The following PDZRN3 variants were observed in gnomAD, a reference collection of about 807,000 sequenced individuals.
PDZRN3 encodes the protein E3 ubiquitin-protein ligase PDZRN3.
In PDZRN3, 38 loss-of-function variants were observed where a neutral mutation model predicts 85.7. The ratio of observed to expected loss-of-function variants is 0.44; its 90% CI spans 0.34 to 0.58. The LOEUF is 0.58. Among genes scored for constraint, PDZRN3 ranks in the 20% least tolerant of loss-of-function variants. The pLI, the probability that PDZRN3 is intolerant of heterozygous loss-of-function variation, is 0.01. For missense variants in PDZRN3, 1,629 were observed against 1,506.4 expected (o/e 1.08, Z -1.35); for synonymous variants, 759 against 638.0 (o/e 1.19, Z -2.86).
At chr3:73,505,848 C>T (rs1302945946) in intron 3 of PDZRN3, among the ~76,000 whole-genome samples, 4 of 151,768 alleles carry the variant, frequency 2.6e-5, no homozygotes, top group Non-Finnish European at 4.4e-5. Context: ...AATAAAATTG[C>T]GCTGGATTAG....
intron 3 of PDZRN3, among the ~76,000 whole-genome samples, chr3:73,463,785 A>G (rs1703154024): frequency 6.6e-6 from 1 of 152,208 alleles, no homozygotes. Flanking sequence ...CCTATCAGTG[A>G]TAGACTGGAT....
intron 3 of PDZRN3, among the ~76,000 whole-genome samples, chr3:73,539,602 T>C (rs1405155302): frequency 6.6e-6 from 1 of 152,072 alleles, no homozygotes; most frequent in Non-Finnish European, 1.5e-5. Context: ...TGAAAGCCAC[T>C]GAGAGAGAGC....
At chr3:73,598,679 A>G (rs940652633) in intron 3 of PDZRN3, among the ~76,000 whole-genome samples, 1 of 152,192 alleles carries the variant, frequency 6.6e-6, no homozygotes, top group African/African-American at 2.4e-5. Flanking sequence ...CCAGATTCCC[A>G]GCCACAGCCC....
intron 3 of PDZRN3, among the ~76,000 whole-genome samples, chr3:73,487,916 CT>C (rs146838055): frequency 0.011 from 1,687 of 152,270 alleles, 18 homozygotes; most frequent in South Asian, 0.045. Flanking sequence ...AATGAGAACC[CT>C]AGAAACCATT....
intron 3 of PDZRN3, among the ~76,000 whole-genome samples, chr3:73,565,276 C>T (rs1291509120): frequency 6.6e-6 from 1 of 151,924 alleles, no homozygotes; most frequent in Non-Finnish European, 1.5e-5. Flanking sequence ...TTACAGGTGC[C>T]TGCTACTATG....
chr3:73,537,614 TA>T (rs752851713), intron 3 of PDZRN3, among the ~76,000 whole-genome samples: 37 of 149,550 alleles, frequency 2.5e-4, no homozygotes, highest in Non-Finnish European at 4.9e-4. Context: ...TTCTTTTTTT[TA>T]ATTAAATTAA....
chr3:73,523,368 T>C (rs937448013), intron 3 of PDZRN3, among the ~76,000 whole-genome samples: 2 of 152,198 alleles, frequency 1.3e-5, no homozygotes, highest in African/African-American at 4.8e-5. Context: ...ATTCTCATTA[T>C]TTAGAGATTA....
At position 73,552,225 on chromosome 3, in the gene PDZRN3, A is replaced by AGTGTGTGTGT. The variant is rs55784793; in HGVS notation, c.918+50119_918+50128dup. ...TTAGGTTTCACGTGGGAATTAAAGG[A>AGTGTGTGTGT]GTGTGTGTGTGTGTGTGTGTGTGTG... On this transcript the variant is annotated intron_variant, in intron 3 of 9. Transcript: ENST00000263666. 4.3e-3 allele frequency among the ~76,000 whole-genome samples: 637 copies of AGTGTGTGTGT among 147,862 alleles called. 4 individuals carry two copies. The highest frequency in any genetic ancestry group is 0.015 in the African/African-American group (605 of 39,898).
At chr3:73,394,035 A>C (rs543915812) in intron 5 of PDZRN3, among the ~76,000 whole-genome samples, 1 of 152,278 alleles carries the variant, frequency 6.6e-6, no homozygotes, top group African/African-American at 2.4e-5. Context: ...CAATTCCTCC[A>C]ACAAATCTTT....
chr3:73,569,482 A>G, intron 3 of PDZRN3: 1 of 1,095,512 alleles, frequency 9.1e-7, no homozygotes, highest in African/African-American at 1.7e-5. Context: ...TCCACTGCAC[A>G]GAATGCCTTT....
At chr3:73,464,070 C>CT (rs1157904230) in intron 3 of PDZRN3, among the ~76,000 whole-genome samples, 4 of 152,206 alleles carry the variant, frequency 2.6e-5, no homozygotes, top group Non-Finnish European at 5.9e-5. Context: ...ACTGCAACCT[C>CT]TGCCTCCTGG....
At chr3:73,598,687 C>A (rs1702467893) in intron 3 of PDZRN3, among the ~76,000 whole-genome samples, 1 of 152,196 alleles carries the variant, frequency 6.6e-6, no homozygotes, top group Non-Finnish European at 1.5e-5. Context: ...CCAGCCACAG[C>A]CCCAGGACAG....
chr3:73,393,789 T>C (rs553753726), intron 5 of PDZRN3, among the ~76,000 whole-genome samples: 1 of 152,368 alleles, frequency 6.6e-6, no homozygotes, highest in Admixed American at 6.5e-5. Context: ...AGTGACGCTC[T>C]GTTATGTAGA....
intron 3 of PDZRN3, among the ~76,000 whole-genome samples, chr3:73,424,198 T>G (rs1702260211): frequency 6.6e-6 from 1 of 151,840 alleles, no homozygotes; most frequent in Admixed American, 6.6e-5. Context: ...TATATTTGAC[T>G]TTATGAAATT....
At chr3:73,450,890 T>A (rs1316764430) in intron 3 of PDZRN3, among the ~76,000 whole-genome samples, 3 of 152,016 alleles carry the variant, frequency 2.0e-5, no homozygotes, top group Non-Finnish European at 4.4e-5. Flanking sequence ...CTTCCGCTGA[T>A]AATTATTCTA....
chr3:73,455,607 G>A (rs1258713910), intron 3 of PDZRN3, among the ~76,000 whole-genome samples: 3 of 152,260 alleles, frequency 2.0e-5, no homozygotes, highest in South Asian at 2.1e-4. Flanking sequence ...TTGCAAAACA[G>A]ATATTATAAT....
At chr3:73,525,557 C>T (rs529516807) in intron 3 of PDZRN3, among the ~76,000 whole-genome samples, 51 of 152,298 alleles carry the variant, frequency 3.3e-4, no homozygotes, top group African/African-American at 1.2e-3. Context: ...GCACTAAATC[C>T]GGAGAGAGAG....
intron 5 of PDZRN3, among the ~76,000 whole-genome samples, chr3:73,391,868 T>C (rs1326329628): frequency 6.6e-6 from 1 of 152,096 alleles, no homozygotes; most frequent in Non-Finnish European, 1.5e-5. Flanking sequence ...TTGTGCAAGT[T>C]TTTGTAGCTC....
At chr3:73,422,894 C>T (rs753517634) in intron 3 of PDZRN3, among the ~76,000 whole-genome samples, 8 of 151,938 alleles carry the variant, frequency 5.3e-5, no homozygotes, top group African/African-American at 1.5e-4. Context: ...TTTAGAAAGT[C>T]GCCAGAGAGA....
Sources: allele counts gnomAD v4.1 joint callset (sites outside exome capture counted in the v4.1 genomes callset), GRCh38; gene constraint gnomAD v4.1.1; transcripts MANE v1.5; gene names NCBI Gene and HGNC (gene_info 2026-07-23, HGNC 2026-07-21).